Variants in DACH1 observed in about 807,000 individuals in gnomAD.
DACH1 encodes dachshund homolog 1.
A neutral mutation model predicts 54.2 loss-of-function variants in DACH1; 12 were observed. The observed-to-expected ratio is 0.22, with a 90% CI of 0.14 to 0.36. DACH1 has a LOEUF of 0.36. DACH1 is among the 10% of genes least tolerant of loss of function. The pLI is 1.00. For missense variants in DACH1, 805 were observed against 929.8 expected (o/e 0.87, Z 1.75); for synonymous variants, 386 against 366.2 (o/e 1.05, Z -0.62).
At chr13:71,610,057 T>C (rs547889977) in intron 3 of DACH1, among the ~76,000 whole-genome samples, 76 of 151,832 alleles carry the variant, frequency 5.0e-4, no homozygotes, top group Non-Finnish European at 3.4e-4. Context: ...TAAGATAAGA[T>C]ACAAAACTGT....
chr13:71,527,567 T>TC (rs1882078666), intron 6 of DACH1, among the ~76,000 whole-genome samples: 1 of 152,160 alleles, frequency 6.6e-6, no homozygotes, highest in East Asian at 1.9e-4. Context: ...GGTATTTTCT[T>TC]CCGTATCGGT....
At chr13:71,574,098 CATGT>C (rs1056329280) in intron 3 of DACH1, among the ~76,000 whole-genome samples, 48 of 152,192 alleles carry the variant, frequency 3.2e-4, no homozygotes, top group African/African-American at 1.1e-3. Flanking sequence ...AATATGCATG[CATGT>C]GTGTGTGAAT....
intron 6 of DACH1, among the ~76,000 whole-genome samples, chr13:71,503,880 C>A (rs570219518): frequency 6.6e-6 from 1 of 152,114 alleles, no homozygotes; most frequent in East Asian, 1.9e-4. Context: ...ATAACATAGC[C>A]ATATAAAAAT....
chr13:71,662,100 T>A (rs1318228157), intron 2 of DACH1, among the ~76,000 whole-genome samples: 1 of 152,054 alleles, frequency 6.6e-6, no homozygotes, highest in African/African-American at 2.4e-5. Context: ...ACTGTTGATA[T>A]CGTCTAAGCA....
chr13:71,500,376 CTA>C (rs1879808651), intron 6 of DACH1, among the ~76,000 whole-genome samples: 1 of 152,100 alleles, frequency 6.6e-6, no homozygotes, highest in African/African-American at 2.4e-5. Flanking sequence ...CTGCATAGCT[CTA>C]ATTCATTTAT....
At position 71,617,219 on chromosome 13, in the gene DACH1, C is replaced by T. The variant is rs573624921; in HGVS notation, c.1126+13337G>A. On this transcript the variant is annotated intron_variant, in intron 3 of 10. Coordinates refer to ENST00000613252, the MANE Select transcript of DACH1 (RefSeq NM_080759.6). ...TGAATTTGGTATTGAGGGACATTTG[C>T]ATGCAGACCTATTTCTTAGAACTCA... 5.3e-5 allele frequency among the ~76,000 whole-genome samples: 8 copies of T among 152,248 alleles called. No homozygotes were observed. In the South Asian group the frequency reaches 8.3e-4, roughly 16 times the overall value.
At chr13:71,700,646 T>G (rs2138748968) in intron 1 of DACH1, among the ~76,000 whole-genome samples, 1 of 151,314 alleles carries the variant, frequency 6.6e-6, no homozygotes, top group African/African-American at 2.4e-5. Context: ...TGAACATAGT[T>G]ACATTTAAGG....
chr13:71,813,125 C>G (rs1342463127), intron 1 of DACH1, among the ~76,000 whole-genome samples: 1 of 152,106 alleles, frequency 6.6e-6, no homozygotes, highest in Non-Finnish European at 1.5e-5. Flanking sequence ...AAAATATTAA[C>G]TGAGTACCTA....
At chr13:71,699,650 A>T (rs1246146506) in intron 1 of DACH1, among the ~76,000 whole-genome samples, 2 of 152,232 alleles carry the variant, frequency 1.3e-5, no homozygotes, top group East Asian at 3.8e-4. Context: ...AAGAATGGAG[A>T]ATCTTGCTGG....
At chr13:71,523,072 C>T (rs887672248) in intron 6 of DACH1, among the ~76,000 whole-genome samples, 2 of 152,050 alleles carry the variant, frequency 1.3e-5, no homozygotes, top group African/African-American at 2.4e-5. Flanking sequence ...AAAAATCAAA[C>T]GCCTCATTTC....
At chr13:71,532,191 T>C (rs1882462177) in intron 6 of DACH1, among the ~76,000 whole-genome samples, 1 of 151,958 alleles carries the variant, frequency 6.6e-6, no homozygotes, top group Non-Finnish European at 1.5e-5. Flanking sequence ...AAGATAATTT[T>C]AGCTGGCAAT....
At chr13:71,589,746 C>T (rs994135505) in intron 3 of DACH1, among the ~76,000 whole-genome samples, 4 of 151,808 alleles carry the variant, frequency 2.6e-5, no homozygotes, top group Admixed American at 2.6e-4. Flanking sequence ...AACTTCAACC[C>T]CTTGCCTCAT....
chr13:71,497,020 A>G (rs1879496017), intron 6 of DACH1, among the ~76,000 whole-genome samples: 2 of 152,178 alleles, frequency 1.3e-5, no homozygotes, highest in African/African-American at 4.8e-5. Context: ...TTAAGAAAGT[A>G]TGAATTCAAG....
At chr13:71,636,549 A>AAATAATAATAATAATAATAAT (rs368128838) in intron 2 of DACH1, among the ~76,000 whole-genome samples, 1 of 146,908 alleles carries the variant, frequency 6.8e-6, no homozygotes, top group African/African-American at 2.5e-5. Context: ...CACAAAGTAA[A>AAATAATAATAATAATAATAAT]AATAATAATA....
At chr13:71,864,214 C>A (rs1317725083) in intron 1 of DACH1, among the ~76,000 whole-genome samples, 3 of 113,256 alleles carry the variant, frequency 2.6e-5, no homozygotes, top group East Asian at 5.9e-4. Context: ...CACACACACA[C>A]AACATTTACC....
chr13:71,692,610 C>T (rs1285280502), intron 1 of DACH1, among the ~76,000 whole-genome samples: 3 of 143,546 alleles, frequency 2.1e-5, no homozygotes, highest in Non-Finnish European at 3.0e-5. Context: ...GCAACCTCTG[C>T]CTCCCAGGTT....
At chr13:71,446,280 C>A (rs1004846685) in intron 10 of DACH1, among the ~76,000 whole-genome samples, 1 of 152,174 alleles carries the variant, frequency 6.6e-6, no homozygotes, top group Non-Finnish European at 1.5e-5. Flanking sequence ...GTGTTTGACG[C>A]AGAAAAAATA....
At chr13:71,456,411 T>A (rs1471603218) in intron 10 of DACH1, among the ~76,000 whole-genome samples, 1 of 152,034 alleles carries the variant, frequency 6.6e-6, no homozygotes, top group Non-Finnish European at 1.5e-5. Context: ...TATTTTCCCA[T>A]CACTAGTGAT....
intron 1 of DACH1, among the ~76,000 whole-genome samples, chr13:71,751,585 C>T (rs544723909): frequency 6.6e-6 from 1 of 152,182 alleles, no homozygotes; most frequent in South Asian, 2.1e-4. Context: ...ACCCTCACCT[C>T]TAGCATGTCC....
Sources: allele counts gnomAD v4.1 joint callset (sites outside exome capture counted in the v4.1 genomes callset), GRCh38; gene constraint gnomAD v4.1.1; transcripts MANE v1.5; gene names NCBI Gene and HGNC (gene_info 2026-07-23, HGNC 2026-07-21).